The following ANKS1B variants were observed in gnomAD, a reference collection of about 807,000 sequenced individuals.
ANKS1B encodes ankyrin repeat and sterile alpha motif domain containing 1B, also known as ankyrin repeat and sterile alpha motif domain-containing protein 1B.
In ANKS1B, 36 loss-of-function variants were observed where a neutral mutation model predicts 148.3. The ratio of observed to expected loss-of-function variants is 0.24; its 90% CI spans 0.19 to 0.32. The LOEUF (loss-of-function observed/expected upper bound fraction) is 0.32. Among genes scored for constraint, ANKS1B ranks in the 10% least tolerant of loss-of-function variants. ANKS1B has a pLI of 1.00. For synonymous variants in ANKS1B, 542 were observed against 560.8 expected (o/e 0.97, Z 0.47); for missense variants, 1,157 against 1,542.6 (o/e 0.75, Z 4.19).
At chr12:99,981,478 G>C (rs1026125151) in intron 1 of ANKS1B, among the ~76,000 whole-genome samples, 2 of 151,630 alleles carry the variant, frequency 1.3e-5, no homozygotes, top group Non-Finnish European at 2.9e-5. Context: ...TTTTTAATTA[G>C]AAAAAAATAC....
chr12:98,956,740 A>T (rs2099862822), intron 17 of ANKS1B, among the ~76,000 whole-genome samples: 1 of 152,122 alleles, frequency 6.6e-6, no homozygotes, highest in African/African-American at 2.4e-5. Flanking sequence ...CTACTTACTT[A>T]CAGTCGTCAT....
intron 14 of ANKS1B, among the ~76,000 whole-genome samples, chr12:99,225,678 G>C (rs1289435001): frequency 6.6e-6 from 1 of 152,196 alleles, no homozygotes; most frequent in Admixed American, 6.5e-5. Flanking sequence ...AATGCTTCCT[G>C]CCCTGAAACA....
chr12:99,265,869 T>C (rs1411004180), intron 12 of ANKS1B, among the ~76,000 whole-genome samples: 2 of 152,196 alleles, frequency 1.3e-5, no homozygotes, highest in Non-Finnish European at 2.9e-5. Flanking sequence ...GTTCTTCACA[T>C]ACGGGGAATT....
intron 17 of ANKS1B, among the ~76,000 whole-genome samples, chr12:98,903,749 C>T (rs1022080148): frequency 1.3e-5 from 2 of 152,204 alleles, no homozygotes; most frequent in African/African-American, 4.8e-5. Context: ...ATTTCTTCAG[C>T]AGGGAACTTA....
chr12:99,461,807 C>A (rs1251910017), intron 10 of ANKS1B, among the ~76,000 whole-genome samples: 1 of 152,034 alleles, frequency 6.6e-6, no homozygotes, highest in Non-Finnish European at 1.5e-5. Context: ...TTCAGATTAC[C>A]ATGTCTAAGG....
At chr12:99,755,571 A>G (rs1368170397) in intron 8 of ANKS1B, among the ~76,000 whole-genome samples, 1 of 142,418 alleles carries the variant, frequency 7.0e-6, no homozygotes, top group Non-Finnish European at 1.5e-5. Flanking sequence ...AATATCCTTC[A>G]GGAAAATGGA....
intron 12 of ANKS1B, among the ~76,000 whole-genome samples, chr12:99,282,803 G>A (rs114522481): frequency 0.025 from 3,787 of 152,178 alleles, 154 homozygotes; most frequent in African/African-American, 0.086. Flanking sequence ...TTAGAGTTTC[G>A]TTTTAGACAT....
intron 3 of ANKS1B, among the ~76,000 whole-genome samples, chr12:99,809,536 CG>C (rs1473508042): frequency 6.6e-6 from 1 of 151,612 alleles, no homozygotes; most frequent in African/African-American, 2.4e-5. Context: ...AACCATAATC[CG>C]GGTAGAGTCC....
intron 8 of ANKS1B, among the ~76,000 whole-genome samples, chr12:99,709,946 G>C (rs1189048850): frequency 6.6e-6 from 1 of 151,998 alleles, no homozygotes; most frequent in Admixed American, 6.6e-5. Flanking sequence ...CCATAAAATG[G>C]GTTTGACAAC....
intron 15 of ANKS1B, among the ~76,000 whole-genome samples, chr12:99,123,741 C>T (rs1418456066): frequency 2.0e-5 from 3 of 152,088 alleles, no homozygotes; most frequent in Non-Finnish European, 4.4e-5. Flanking sequence ...AAGATGGAGG[C>T]CAGAAGACTC....
chr12:98,773,703 A>T (rs184408167), intron 24 of ANKS1B, among the ~76,000 whole-genome samples: 1 of 152,104 alleles, frequency 6.6e-6, no homozygotes, highest in African/African-American at 2.4e-5. Flanking sequence ...TGATCTGCCC[A>T]CCTCGGCCTC....
chr12:99,406,994 T>TGGA (rs1470939681), intron 11 of ANKS1B, among the ~76,000 whole-genome samples: 1 of 145,210 alleles, frequency 6.9e-6, no homozygotes, highest in Non-Finnish European at 1.5e-5. Context: ...TGCCAAGAAA[T>TGGA]GGAGGAGGAG....
intron 17 of ANKS1B, among the ~76,000 whole-genome samples, chr12:98,928,635 A>C (rs1484424253): frequency 6.6e-6 from 1 of 152,040 alleles, no homozygotes; most frequent in Non-Finnish European, 1.5e-5. Flanking sequence ...ACATACAAAC[A>C]TAAATCATAA....
At chr12:99,780,065 A>G in intron 5 of ANKS1B, 93 bp from the exon 6 acceptor site, 1 of 891,212 alleles carries the variant, frequency 1.1e-6, no homozygotes, top group Non-Finnish European at 1.8e-6. Flanking sequence ...TCAGACATAT[A>G]CAGACCAAGC....
At chr12:99,229,329 T>C (rs995589117) in intron 14 of ANKS1B, among the ~76,000 whole-genome samples, 1 of 151,956 alleles carries the variant, frequency 6.6e-6, no homozygotes, top group Non-Finnish European at 1.5e-5. Flanking sequence ...TTAAATTTTC[T>C]ATTAATGGTC....
intron 10 of ANKS1B, among the ~76,000 whole-genome samples, chr12:99,460,639 TA>T (rs1342898019): frequency 1.3e-5 from 2 of 150,032 alleles, no homozygotes; most frequent in Non-Finnish European, 3.0e-5. Context: ...AACAAACATA[TA>T]AAAAAATGCT....
At chr12:99,410,820 T>G (rs1285815525) in intron 11 of ANKS1B, among the ~76,000 whole-genome samples, 6 of 152,192 alleles carry the variant, frequency 3.9e-5, no homozygotes, top group Non-Finnish European at 8.8e-5. Context: ...GTACAAAAAC[T>G]TTTTTCTTTT....
At chr12:99,914,556 G>A (rs555282715) in intron 1 of ANKS1B, among the ~76,000 whole-genome samples, 1 of 152,068 alleles carries the variant, frequency 6.6e-6, no homozygotes, top group Non-Finnish European at 1.5e-5. Context: ...TATTTAAAAT[G>A]AACCTTATCT....
chr12:99,096,714 T>C (rs373693384), intron 15 of ANKS1B, among the ~76,000 whole-genome samples: 16 of 152,320 alleles, frequency 1.1e-4, no homozygotes, highest in African/African-American at 3.6e-4. Flanking sequence ...CTCCATTTTC[T>C]TCACTGAATA....
Sources: allele counts gnomAD v4.1 joint callset (sites outside exome capture counted in the v4.1 genomes callset), GRCh38; gene constraint gnomAD v4.1.1; transcripts MANE v1.5; gene names NCBI Gene and HGNC (gene_info 2026-07-23, HGNC 2026-07-21).